ERCC6L: variants seen among roughly 807,000 people sequenced by gnomAD.
The protein encoded by ERCC6L is ERCC excision repair 6 like, spindle assembly checkpoint helicase, also known as DNA excision repair protein ERCC-6-like.
A neutral mutation model predicts 20.1 loss-of-function variants in ERCC6L; 7 were observed. That is an observed-to-expected ratio of 0.35 (90% confidence interval 0.20 to 0.65). ERCC6L has a LOEUF of 0.65. ERCC6L is among the 30% of genes least tolerant of loss of function. The probability of loss-of-function intolerance (pLI) is 0.69; values close to 1 mark genes in which losing one functional copy is unlikely to be tolerated. For missense variants in ERCC6L, 592 were observed against 892.4 expected, an observed-to-expected ratio of 0.66 and a Z score of 4.29; for synonymous variants, 278 against 331.3, an observed-to-expected ratio of 0.84 and a Z score of 1.75.
At chrX:72,233,604 C>T (rs1223558352) in intron 1 of ERCC6L, among the ~76,000 whole-genome samples, 2 of 108,557 alleles carry the variant, frequency 1.8e-5, no homozygotes, top group African/African-American at 6.8e-5. Context: ...TGCCTGTAAT[C>T]CCAGCTACTC....
chrX:72,216,929 G>A (rs771937634), intron 1 of ERCC6L, among the ~76,000 whole-genome samples: 2 of 112,372 alleles, frequency 1.8e-5, no homozygotes, highest in Non-Finnish European at 3.8e-5. Context: ...CAGTCAGGAT[G>A]TTAGCCACCA....
Position 72,205,967 on chromosome X carries a change from T to C in ERCC6L, c.2800A>G (p.Ser934Gly). The change falls in exon 2 of 2, where the codon AGT becomes GGT. Residue 934 changes from serine to glycine, a missense_variant. Ser to Gly is a moderately conservative substitution (Grantham distance 56). Around this residue, in one of 3 missense-constraint regions of ERCC6L, gnomAD observed 352 missense variants for 402.6 expected, o/e 0.87. Transcript: ENST00000334463. ...GGTTCCTCTTCCAACTTGGCCTCAC[T>C]TGCTTGAGCATCCTGCAGTGCACTA... ...SHSALQDAQA[S>G]EAKLEEEPSA... is the part of the protein sequence containing the mutation. The C allele has an allele frequency of 8.3e-7, 1 of 1,211,705 alleles. No homozygotes were observed. The highest frequency in any genetic ancestry group is 2.2e-5 in the Admixed American group (1 of 46,053).
In ERCC6L at chrX:72,216,807, T is replaced by C. The variant is rs1372392602; in HGVS notation, c.69-8109A>G. Among the ~76,000 whole-genome samples the C allele has an allele frequency of 6.3e-5, 7 of 111,351 alleles. No individual in the cohort carries two copies. In the East Asian group the frequency reaches 2.0e-3, roughly 31 times the overall value. On this transcript the variant is annotated intron_variant, in intron 1 of 1. Coordinates refer to ENST00000334463, the MANE Select transcript of ERCC6L (RefSeq NM_017669.4). ...GTTTGGCAAGGTTAACCAGATAACC[T>C]TGGGCTAGAAGATTAAGGAGCTGGA...
intron 1 of ERCC6L, among the ~76,000 whole-genome samples, chrX:72,220,050 G>T (rs1426711623): frequency 9.0e-6 from 1 of 110,718 alleles, no homozygotes. Flanking sequence ...TTCCTAGTTT[G>T]TTGAGTGTTT....
At chrX:72,213,789 A>G (rs1286039918) in intron 1 of ERCC6L, among the ~76,000 whole-genome samples, 4 of 111,783 alleles carry the variant, frequency 3.6e-5, no homozygotes, top group Admixed American at 1.9e-4. Flanking sequence ...AACACTCACC[A>G]TGTGGCCCAA....
rs2042821645 is a variant in ERCC6L, at chrX:72,206,534, G to A, written c.2233C>T (p.Pro745Ser). The A allele has an allele frequency of 3.3e-6, 4 of 1,211,072 alleles. No homozygotes were observed. In the East Asian group the frequency reaches 8.9e-5, roughly 27 times the overall value. ...TGAGGCTGTGGTTTATTCAATTTAG[G>A]GCATTTCTTCTTTGTTGAAGAAGGA... ...VFPSSTKKKC[P>S]KLNKPQPQPS... Residue 745 changes from proline to serine, a missense_variant, in exon 2 of 2, where the codon CCT becomes TCT. This residue lies in a region of ERCC6L where 352 missense variants were observed against 402.6 expected (regional missense o/e 0.87). Transcript: ENST00000334463.
chrX:72,223,781 A>G (rs754101260), intron 1 of ERCC6L, among the ~76,000 whole-genome samples: 2 of 111,750 alleles, frequency 1.8e-5, no homozygotes, highest in South Asian at 7.6e-4. Flanking sequence ...AAAAGCCTCC[A>G]GACAACCCCA....
chrX:72,215,019 T>C (rs2042880375), intron 1 of ERCC6L, among the ~76,000 whole-genome samples: 1 of 111,711 alleles, frequency 9.0e-6, no homozygotes, highest in Admixed American at 9.5e-5. Context: ...AACCCACCAA[T>C]CTGTGATATA....
rs756533210 is a variant in ERCC6L at position 72,232,079 on chromosome X, T to C, written c.68+6765A>G. The stretch of plus-strand genomic sequence containing the variant: ...AGATGACAGAGCGAGACCCTGTCTC[T>C]AAAAAAACAGAAATAAAACTGTACT... On this transcript the variant is annotated intron_variant, in intron 1 of 1. Transcript: ENST00000334463. Among the ~76,000 whole-genome samples, 82 of 108,846 alleles carry C rather than the reference T, an allele frequency of 7.5e-4. 1 individual carries two copies. The highest frequency in any genetic ancestry group is 2.7e-3 in the African/African-American group (81 of 29,914). The allele number at this position is 108,846 out of a possible 115,157, so 94.5% of individuals were successfully genotyped here. A position where few individuals can be genotyped will look rare whatever the true frequency, so the allele number is the denominator to read the frequency against.
At chrX:72,219,942 A>G (rs2042913335) in intron 1 of ERCC6L, among the ~76,000 whole-genome samples, 1 of 111,361 alleles carries the variant, frequency 9.0e-6, no homozygotes, top group Non-Finnish European at 1.9e-5. Flanking sequence ...TGTTCCTGAT[A>G]TGAGCGGGAA....
rs766001388 is a variant in ERCC6L, at chrX:72,208,704, G to GA, written c.69-7dup. 577 of 1,105,315 alleles carry GA rather than the reference G, an allele frequency of 5.2e-4. No individual in the cohort carries two copies. Among genetic ancestry groups the GA allele is most frequent in the Admixed American group, 6.1e-4 (21 of 34,680 alleles). The allele number at this position is 1,105,315 out of a possible 1,213,427, so 91.1% of individuals were successfully genotyped here. A position where few individuals can be genotyped will look rare whatever the true frequency, so the allele number is the denominator to read the frequency against. ...CTTTGGCCTCTTTCACATATCTATA[G>GA]AAAAAAAAAGAAGAAGAGGAGAAAG... On this transcript the variant is annotated splice_polypyrimidine_tract_variant and splice_region_variant and intron_variant, in intron 1 of 1. Transcript: ENST00000334463.
intron 1 of ERCC6L, among the ~76,000 whole-genome samples, chrX:72,214,501 C>T (rs954180654): frequency 9.1e-6 from 1 of 109,523 alleles, no homozygotes; most frequent in African/African-American, 3.3e-5. Flanking sequence ...TGGTGAAACC[C>T]ATCTCTACTA....
chrX:72,235,015 C>T (rs2043008216), intron 1 of ERCC6L, among the ~76,000 whole-genome samples: 1 of 112,194 alleles, frequency 8.9e-6, no homozygotes, highest in African/African-American at 3.2e-5. Flanking sequence ...ATTGTTTCTT[C>T]AACCATGTTC....
chrX:72,209,261 C>T (rs998030703), intron 1 of ERCC6L, among the ~76,000 whole-genome samples: 5 of 111,331 alleles, frequency 4.5e-5, no homozygotes, highest in Admixed American at 2.9e-4. Flanking sequence ...CCAGAGCTTC[C>T]GCTCCCACCT....
intron 1 of ERCC6L, among the ~76,000 whole-genome samples, chrX:72,226,654 A>G (rs2042955422): frequency 9.0e-6 from 1 of 111,276 alleles, no homozygotes; most frequent in Admixed American, 9.6e-5. Flanking sequence ...CCACATTCCA[A>G]TAGGAAACCG....
chrX:72,225,163 C>CT (rs1176610801), intron 1 of ERCC6L, among the ~76,000 whole-genome samples: 2 of 111,676 alleles, frequency 1.8e-5, no homozygotes, highest in African/African-American at 6.5e-5. Context: ...CTCAAAGATG[C>CT]TTTTTTTACT....
intron 1 of ERCC6L, among the ~76,000 whole-genome samples, chrX:72,226,243 A>C (rs1353593349): frequency 1.8e-5 from 2 of 111,467 alleles, no homozygotes; most frequent in African/African-American, 6.5e-5. Context: ...ACTTCCACTC[A>C]CATAAAGCAA....
chrX:72,225,187 C>A (rs1234441057), intron 1 of ERCC6L, among the ~76,000 whole-genome samples: 3 of 111,194 alleles, frequency 2.7e-5, no homozygotes, highest in Non-Finnish European at 5.7e-5. Flanking sequence ...CCTCTACATC[C>A]CTCCTCTCAA....
rs1356985455 is a variant in ERCC6L, at chrX:72,205,324, C to T, written c.3443G>A (p.Gly1148Glu). ...CTTGTTTTCTGAAGACAGTGTTTCT[C>T]CGGAAGGATCCTCTTCTGTATACTT... Reference protein sequence around the residue: ...ASKYTEEDPSGETLSSENKSS... With the variant: ...ASKYTEEDPSEETLSSENKSS... Residue 1148 changes from glycine to glutamate, a missense_variant, in exon 2 of 2, where the codon GGA becomes GAA. Gly to Glu is a moderately conservative substitution (Grantham distance 98). Transcript: ENST00000334463. 8.3e-7 allele frequency: 1 copy of T among 1,210,495 alleles called. No individual in the cohort carries two copies. Among genetic ancestry groups the T allele is most frequent in the Non-Finnish European group, 1.1e-6 (1 of 895,380 alleles).
Sources: gnomAD v4.1 joint callset for allele counts (sites outside exome capture counted in the v4.1 genomes callset) on GRCh38, gnomAD v4.1.1 for gene constraint, gnomAD v4.1.1 regional missense constraint, MANE v1.5 for transcripts, NCBI Gene and HGNC (gene_info 2026-07-23, HGNC 2026-07-21) for gene names.